Variants in NDUFS7 observed in about 807,000 individuals in gnomAD.
NDUFS7 encodes the protein NADH dehydrogenase [ubiquinone] iron-sulfur protein 7, mitochondrial.
Under a neutral mutation model 31.1 loss-of-function variants are expected in NDUFS7, and 11 were observed. The observed-to-expected ratio is 0.35, with a 90% CI of 0.22 to 0.59. The LOEUF (loss-of-function observed/expected upper bound fraction) is 0.59, where lower values mean the gene tolerates loss of function less well. Ranked by LOEUF, NDUFS7 falls within the 20% of genes least tolerant of loss-of-function variation. The pLI, the probability that NDUFS7 is intolerant of heterozygous loss-of-function variation, is 0.79. For synonymous variants in NDUFS7, 136 were observed against 127.9 expected, an observed-to-expected ratio of 1.06 and a Z score of -0.43; for missense variants, 263 against 324.2, an observed-to-expected ratio of 0.81 and a Z score of 1.45.
At position 1,383,950 on chromosome 19, in the gene NDUFS7, C is replaced by T. The variant is rs1489923191; in HGVS notation, c.16+8C>T. ...AGATGGCGGTGCTGTCAGGTGAGCG[C>T]GGCACCGGCGGCGGGTGTGGGGCCG... On this transcript the variant is annotated splice_region_variant and intron_variant, in intron 1 of 7. Transcript: ENST00000233627. 1 of 1,568,740 alleles carries T rather than the reference C, an allele frequency of 6.4e-7. No homozygotes were observed. The highest frequency in any genetic ancestry group is 8.6e-7 in the Non-Finnish European group (1 of 1,158,894).
rs2082491687 is a variant in NDUFS7 at position 1,384,053 on chromosome 19, C to T, written c.16+111C>T. ...GTGCCGGCGTCGTGGCCGCGGTCCTCTCCGGGCTTCTCCGAGCCGGCCGCT... is the reference window on the plus strand; with the variant it reads ...GTGCCGGCGTCGTGGCCGCGGTCCTTTCCGGGCTTCTCCGAGCCGGCCGCT... On this transcript the variant is annotated intron_variant, in intron 1 of 7. Transcript: ENST00000233627. The T allele has an allele frequency of 3.4e-6, 4 of 1,187,234 alleles. No homozygotes were observed. The East Asian group carries it at 1.2e-4, about 35-fold the overall frequency. The allele number at this position is 1,187,234 out of a possible 1,614,324, so 73.5% of individuals were successfully genotyped here. A position where few individuals can be genotyped will look rare whatever the true frequency, so the allele number is the denominator to read the frequency against.
At chr19:1,385,432 G>C (rs1319778123) in intron 1 of NDUFS7, among the ~76,000 whole-genome samples, 2 of 152,108 alleles carry the variant, frequency 1.3e-5, no homozygotes, top group Non-Finnish European at 2.9e-5. Flanking sequence ...AGAATCGCTT[G>C]AACCCGGGAG....
chr19:1,388,466 G>C, intron 2 of NDUFS7, 59 bp from the exon 3 acceptor site: 1 of 1,491,998 alleles, frequency 6.7e-7, no homozygotes. Context: ...CAGTGAGTGC[G>C]GCTGGGGGAG....
chr19:1,393,105 G>A lies in NDUFS7; in HGVS notation c.456-137G>A. 2 of 699,256 alleles carry A rather than the reference G, an allele frequency of 2.9e-6. No individual in the cohort carries two copies. The highest frequency in any genetic ancestry group is 3.3e-5 in the South Asian group (2 of 60,572). 43.3% of individuals were successfully genotyped at this position (699,256 alleles called of 1,614,324 possible). A position where few individuals can be genotyped will look rare whatever the true frequency, so the allele number is the denominator to read the frequency against. On this transcript the variant is annotated intron_variant, in intron 6 of 7. Coordinates refer to ENST00000233627, the MANE Select transcript of NDUFS7 (RefSeq NM_024407.5). The surrounding 1 kb of genome is among the most constrained non-coding windows in gnomAD (Gnocchi z 7.3). ...GGGAGCCTGTGCGTGTTTGCTCATT[G>A]CTTCTCCGTGACAAGTTCCAGCCTC...
At chr19:1,391,286 G>A (rs1037386000) in intron 6 of NDUFS7, 121 bp downstream of exon 6, 14 of 1,302,742 alleles carry the variant, frequency 1.1e-5, no homozygotes, top group East Asian at 5.1e-5. Context: ...TGGTCCCGGC[G>A]CTGCCCTTCA....
At chr19:1,387,773 C>T (rs775038962) in intron 1 of NDUFS7, 38 bp from the exon 2 acceptor site, 8 of 1,606,358 alleles carry the variant, frequency 5.0e-6, no homozygotes, top group East Asian at 4.5e-5. Context: ...GCGTGCTGCC[C>T]GCAGCTCACT....
rs4048492 is a variant in NDUFS7 at position 1,395,508 on chromosome 19, G to GCCA, written c.*20_*21insCCA. The GCCA allele has an allele frequency of 6.4e-7, 1 of 1,559,752 alleles. No individual in the cohort carries two copies. The highest frequency in any genetic ancestry group is 1.4e-5 in the African/African-American group (1 of 73,760). On this transcript the variant is annotated 3_prime_UTR_variant, in exon 8 of 8. Coordinates refer to ENST00000233627, the MANE Select transcript of NDUFS7 (RefSeq NM_024407.5). Reference sequence around the variant, plus strand: ...AGGTAGCGCCGCCGCCGCCGCCGCCGGAGCCTGTCGCCGTCCTGTCCCCAG... The same window carrying GCCA: ...AGGTAGCGCCGCCGCCGCCGCCGCCGCCAGAGCCTGTCGCCGTCCTGTCCCCAG...
chr19:1,389,057 TCA>T lies in NDUFS7; in HGVS notation c.228+122_228+123del, dbSNP rs1320463901. 20 of 844,262 alleles carry T rather than the reference TCA, an allele frequency of 2.4e-5. No individual in the cohort carries two copies. The East Asian group carries it at 3.4e-4, about 15-fold the overall frequency. 52.3% of individuals were successfully genotyped at this position (844,262 alleles called of 1,614,324 possible). A position where few individuals can be genotyped will look rare whatever the true frequency, so the allele number is the denominator to read the frequency against. On this transcript the variant is annotated intron_variant, in intron 4 of 7. Transcript: ENST00000233627. Reference sequence around the variant, plus strand: ...ACACACACAACACATGCATGCACACTCACATGCGCACATGTGCATGCAAGCTC... The same window carrying T: ...ACACACACAACACATGCATGCACACTCATGCGCACATGTGCATGCAAGCTC...
intron 2 of NDUFS7, 122 bp downstream of exon 2, chr19:1,387,969 C>A (rs1442161132): frequency 2.1e-5 from 18 of 870,016 alleles, no homozygotes; most frequent in South Asian, 1.4e-5. Flanking sequence ...ATGTTAGGGA[C>A]AGGATGCAGG....
chr19:1,390,845 G>A (rs779020504), intron 4 of NDUFS7, 26 bp from the exon 5 acceptor site: 20 of 1,602,070 alleles, frequency 1.2e-5, no homozygotes, highest in East Asian at 2.2e-5. Flanking sequence ...CGGGGGTGGC[G>A]TCTGACCCGA....
intron 2 of NDUFS7, chr19:1,388,311 C>T (rs891612972): frequency 2.1e-5 from 13 of 621,360 alleles, no homozygotes; most frequent in Non-Finnish European, 3.8e-5. Flanking sequence ...CTGGGTACGT[C>T]ACAAAAGAAG....
chr19:1,392,718 A>T (rs2082565583), intron 6 of NDUFS7: 1 of 186,368 alleles, frequency 5.4e-6, no homozygotes, highest in East Asian at 1.3e-4. Flanking sequence ...AATATTCCAG[A>T]GTTTTCATAA....
chr19:1,394,883 A>C (rs2082585247), intron 7 of NDUFS7: 1 of 1,120,586 alleles, frequency 8.9e-7, no homozygotes, highest in African/African-American at 1.7e-5. Context: ...CCTGCGTGGC[A>C]GCCGGGACTG....
intron 1 of NDUFS7, among the ~76,000 whole-genome samples, chr19:1,385,984 G>A (rs1234733195): frequency 6.6e-6 from 1 of 152,182 alleles, no homozygotes; most frequent in Non-Finnish European, 1.5e-5. Context: ...CCAGAGCCTG[G>A]GGCTGGGCAG....
intron 1 of NDUFS7, among the ~76,000 whole-genome samples, chr19:1,386,270 C>T (rs567179427): frequency 2.1e-4 from 32 of 152,318 alleles, no homozygotes; most frequent in African/African-American, 7.7e-4. Context: ...ACCTGGGCAG[C>T]TTCAACAGAA....
At chr19:1,392,533 A>T (rs1239930823) in intron 6 of NDUFS7, 1 of 152,614 alleles carries the variant, frequency 6.6e-6, no homozygotes, top group Non-Finnish European at 1.5e-5. Context: ...TGGACATTTC[A>T]CAGAAACAGG....
intron 3 of NDUFS7, 62 bp from the exon 4 acceptor site, chr19:1,388,771 A>G (rs1326987661): frequency 1.1e-5 from 17 of 1,525,106 alleles, no homozygotes; most frequent in Non-Finnish European, 1.5e-5. Context: ...GGGGGCTCGC[A>G]TCCGCCTCTG....
At chr19:1,385,280 C>T (rs531881053) in intron 1 of NDUFS7, among the ~76,000 whole-genome samples, 9 of 152,276 alleles carry the variant, frequency 5.9e-5, no homozygotes, top group African/African-American at 1.9e-4. Flanking sequence ...TTTGGAAGGC[C>T]AAGGTGGGCG....
intron 1 of NDUFS7, 177 bp from the exon 2 acceptor site, chr19:1,387,634 G>A (rs564853946): frequency 3.0e-6 from 2 of 659,448 alleles, no homozygotes; most frequent in East Asian, 2.7e-5. Flanking sequence ...CTCAAGCAGG[G>A]GACTAAGACT....
Sources: allele counts gnomAD v4.1 joint callset (sites outside exome capture counted in the v4.1 genomes callset), GRCh38; gene constraint gnomAD v4.1.1; non-coding constraint Gnocchi (gnomAD v3.1); transcripts MANE v1.5; gene names NCBI Gene and HGNC (gene_info 2026-07-23, HGNC 2026-07-21).